The following CDH4 variants were observed in gnomAD, a reference collection of about 807,000 sequenced individuals.
The protein encoded by CDH4 is cadherin 4.
A neutral mutation model predicts 86.0 loss-of-function variants in CDH4; 33 were observed. The ratio of observed to expected loss-of-function variants is 0.38; its 90% CI spans 0.29 to 0.51. The LOEUF is 0.51. CDH4 is among the 20% of genes least tolerant of loss of function. CDH4 has a pLI of 0.86. For missense variants in CDH4, 1,114 were observed against 1,307.4 expected (o/e 0.85, Z 2.28); for synonymous variants, 555 against 549.4 (o/e 1.01, Z -0.14).
intron 2 of CDH4, among the ~76,000 whole-genome samples, chr20:61,739,647 A>G (rs1317034137): frequency 1.3e-5 from 2 of 152,228 alleles, no homozygotes; most frequent in Non-Finnish European, 2.9e-5. Context: ...GATGGGGCTG[A>G]GGCACCAGAT....
intron 6 of CDH4, among the ~76,000 whole-genome samples, chr20:61,860,258 G>C (rs1214937165): frequency 1.3e-5 from 2 of 152,198 alleles, no homozygotes; most frequent in African/African-American, 4.8e-5. Flanking sequence ...AGACAACTTT[G>C]AAAACCACCT....
At chr20:61,317,023 T>C (rs1242577403) in intron 2 of CDH4, among the ~76,000 whole-genome samples, 5 of 151,874 alleles carry the variant, frequency 3.3e-5, no homozygotes, top group African/African-American at 1.2e-4. Flanking sequence ...CTTTTTTTTT[T>C]TTTAGTTTAT....
At chr20:61,289,535 C>T (rs1256514768) in intron 2 of CDH4, among the ~76,000 whole-genome samples, 3 of 151,418 alleles carry the variant, frequency 2.0e-5, no homozygotes, top group Non-Finnish European at 4.4e-5. Context: ...TGTGTGGGTG[C>T]CCAGGGGCAT....
chr20:61,545,791 G>C (rs1464338177), intron 2 of CDH4, among the ~76,000 whole-genome samples: 1 of 144,390 alleles, frequency 6.9e-6, no homozygotes. Flanking sequence ...GCATGTGTTT[G>C]GGGGGTATGT....
In CDH4 at chr20:61,612,381, T is replaced by C. The variant is rs185810089; in HGVS notation, c.170-131182T>C. 7.7e-4 allele frequency among the ~76,000 whole-genome samples: 118 copies of C among 152,258 alleles called. 2 individuals carry two copies. Among genetic ancestry groups the C allele is most frequent in the African/African-American group, 2.7e-3 (113 of 41,494 alleles). ...AATCAACCTCTCTTCCTGGTACTTTTGTCTATTTTTGAGGCCTGACGTATT... is the reference window on the plus strand; with the variant it reads ...AATCAACCTCTCTTCCTGGTACTTTCGTCTATTTTTGAGGCCTGACGTATT... On this transcript the variant is annotated intron_variant, in intron 2 of 15. Coordinates refer to ENST00000614565, the MANE Select transcript of CDH4 (RefSeq NM_001794.5).
rs1336177576 is a variant in CDH4 at position 61,811,874 on chromosome 20, G to A, written c.577-32794G>A. Among the ~76,000 whole-genome samples the A allele has an allele frequency of 6.6e-6, 1 of 151,990 alleles. No individual in the cohort carries two copies. The highest frequency in any genetic ancestry group is 1.5e-5 in the Non-Finnish European group (1 of 67,996). On this transcript the variant is annotated intron_variant, in intron 4 of 15. Transcript: ENST00000614565. This position sits in a 1 kb window ranked among gnomAD's most constrained non-coding sequence, Gnocchi z 4.4. Reference sequence around the variant, plus strand: ...TTTAGTAGAGATGGGGTTTCACCATGTTGGCCAGGCTGGTCTCGAACTCCT... The same window carrying A: ...TTTAGTAGAGATGGGGTTTCACCATATTGGCCAGGCTGGTCTCGAACTCCT...
chr20:61,429,755 G>GTGGATGGATGGATGGATGGA (rs111226650), intron 2 of CDH4, among the ~76,000 whole-genome samples: 40 of 141,310 alleles, frequency 2.8e-4, no homozygotes, highest in African/African-American at 8.3e-4. Flanking sequence ...GGATAGGTGT[G>GTGGATGGATGGATGGATGGA]TGGATGGATG....
chr20:61,625,996 G>A (rs1000912944), intron 2 of CDH4, among the ~76,000 whole-genome samples: 3 of 152,242 alleles, frequency 2.0e-5, no homozygotes, highest in Admixed American at 6.5e-5. Flanking sequence ...CCACGTTAGC[G>A]CCCCTGCTGA....
At chr20:61,933,310 C>G (rs1446133152) in intron 14 of CDH4, among the ~76,000 whole-genome samples, 186 bp downstream of exon 14, 1 of 152,252 alleles carries the variant, frequency 6.6e-6, no homozygotes, top group Non-Finnish European at 1.5e-5. Flanking sequence ...CTGCATCCCC[C>G]ACGGGGGATC....
At chr20:61,772,757 C>T (rs1022650320) in intron 3 of CDH4, among the ~76,000 whole-genome samples, 1 of 152,040 alleles carries the variant, frequency 6.6e-6, no homozygotes, top group Non-Finnish European at 1.5e-5. Context: ...TTTATGGTTT[C>T]TTTTTCCCGC....
At chr20:61,789,835 G>A (rs1236604731) in intron 4 of CDH4, among the ~76,000 whole-genome samples, 1 of 152,212 alleles carries the variant, frequency 6.6e-6, no homozygotes, top group African/African-American at 2.4e-5. Flanking sequence ...GACAGCCCAG[G>A]CCTGAAGACT....
At chr20:61,312,648 G>A (rs2084453310) in intron 2 of CDH4, among the ~76,000 whole-genome samples, 1 of 152,104 alleles carries the variant, frequency 6.6e-6, no homozygotes, top group Admixed American at 6.5e-5. Context: ...ACCCTACTGT[G>A]GTCATCTCTG....
chr20:61,668,505 T>C (rs2078484090), intron 2 of CDH4, among the ~76,000 whole-genome samples: 1 of 152,174 alleles, frequency 6.6e-6, no homozygotes, highest in South Asian at 2.1e-4. Context: ...TGCTCACCAC[T>C]GGGGCCCATG....
chr20:61,708,653 C>A lies in CDH4; in HGVS notation c.170-34910C>A, dbSNP rs1467630499. On this transcript the variant is annotated intron_variant, in intron 2 of 15. Transcript: ENST00000614565. This position sits in a 1 kb window ranked among gnomAD's most constrained non-coding sequence, Gnocchi z 4.5. ...TGGAGCCCCTCCCAGACGTTTGCACCCCACCCCTTCCCATCCTTGGGGCTC... is the reference window on the plus strand; with the variant it reads ...TGGAGCCCCTCCCAGACGTTTGCACACCACCCCTTCCCATCCTTGGGGCTC... Among the ~76,000 whole-genome samples the A allele has an allele frequency of 2.0e-5, 3 of 152,132 alleles. No homozygotes were observed. The highest frequency in any genetic ancestry group is 7.2e-5 in the African/African-American group (3 of 41,440).
At chr20:61,522,190 G>A (rs1258327245) in intron 2 of CDH4, among the ~76,000 whole-genome samples, 1 of 152,150 alleles carries the variant, frequency 6.6e-6, no homozygotes, top group Non-Finnish European at 1.5e-5. Context: ...GAGGTCCTCA[G>A]GGGCCTCCAG....
At chr20:61,522,172 C>T (rs1173933741) in intron 2 of CDH4, among the ~76,000 whole-genome samples, 2 of 152,200 alleles carry the variant, frequency 1.3e-5, no homozygotes, top group Non-Finnish European at 2.9e-5. Context: ...TGTCCACCTC[C>T]GTCCTCTGAG....
At chr20:61,690,383 A>G (rs1438101373) in intron 2 of CDH4, among the ~76,000 whole-genome samples, 1 of 152,160 alleles carries the variant, frequency 6.6e-6, no homozygotes, top group Non-Finnish European at 1.5e-5. Flanking sequence ...AGTTTGGTGC[A>G]TTCAAAGACC....
At chr20:61,745,788 C>T (rs947414257) in intron 3 of CDH4, among the ~76,000 whole-genome samples, 4 of 152,198 alleles carry the variant, frequency 2.6e-5, no homozygotes, top group Non-Finnish European at 4.4e-5. Context: ...AAGCTGTCCC[C>T]AAGTCCCCGA....
intron 2 of CDH4, among the ~76,000 whole-genome samples, chr20:61,467,194 C>T (rs1328758): frequency 0.13 from 20,255 of 152,242 alleles, 1,709 homozygotes; most frequent in Non-Finnish European, 0.18. Flanking sequence ...CAGTCACAGA[C>T]CTCATTAGTA....
Sources: gnomAD v4.1 joint callset for allele counts (sites outside exome capture counted in the v4.1 genomes callset) on GRCh38, gnomAD v4.1.1 for gene constraint, Gnocchi (gnomAD v3.1) non-coding constraint, MANE v1.5 for transcripts, NCBI Gene and HGNC (gene_info 2026-07-23, HGNC 2026-07-21) for gene names.